Variants in MAOA observed in about 807,000 individuals in gnomAD.
MAOA encodes the protein amine oxidase [flavin-containing] A.
Under a neutral mutation model 42.0 loss-of-function variants are expected in MAOA, and 6 were observed. The observed-to-expected ratio is 0.14, with a 90% confidence interval of 0.08 to 0.28. The LOEUF (loss-of-function observed/expected upper bound fraction) is 0.28, where lower values mean the gene tolerates loss of function less well. Among genes scored for constraint, MAOA ranks in the 10% least tolerant of loss-of-function variants. The pLI, the probability that MAOA is intolerant of heterozygous loss-of-function variation, is 1.00. For missense variants in MAOA, 262 were observed against 422.3 expected (o/e 0.62, Z 3.33); for synonymous variants, 140 against 154.0 (o/e 0.91, Z 0.67).
chrX:43,728,159 T>C lies in MAOA; in HGVS notation c.504-14T>C, dbSNP rs764395850. ...CATATTGACACCTGACTTCCACTTT[T>C]GTTCTATGAACAGGACTGCTAGGCG... is the stretch of plus-strand genomic sequence containing the variant. On this transcript the variant is annotated splice_polypyrimidine_tract_variant and intron_variant, in intron 5 of 14. Transcript: ENST00000338702. The C allele has an allele frequency of 9.1e-5, 110 of 1,206,507 alleles. No individual in the cohort carries two copies. Among genetic ancestry groups the C allele is most frequent in the Non-Finnish European group, 1.2e-4 (107 of 891,883 alleles).
intron 1 of MAOA, among the ~76,000 whole-genome samples, chrX:43,678,544 T>A (rs920355033): frequency 8.9e-6 from 1 of 112,052 alleles, no homozygotes; most frequent in African/African-American, 3.2e-5. Flanking sequence ...TCAATAAATA[T>A]TTCGAAAGAT....
At chrX:43,716,225 C>T (rs1286910358) in intron 5 of MAOA, among the ~76,000 whole-genome samples, 3 of 108,909 alleles carry the variant, frequency 2.8e-5, no homozygotes, top group Non-Finnish European at 3.8e-5. Flanking sequence ...AATGAGCCAC[C>T]GAGGTTGGGG....
intron 1 of MAOA, among the ~76,000 whole-genome samples, chrX:43,658,959 G>A (rs1416411410): frequency 9.0e-6 from 1 of 111,315 alleles, no homozygotes; most frequent in African/African-American, 3.3e-5. Flanking sequence ...AGTCCCTGTG[G>A]CAGTTTTATA....
chrX:43,656,920 G>A (rs1392635881), intron 1 of MAOA, among the ~76,000 whole-genome samples: 1 of 109,413 alleles, frequency 9.1e-6, no homozygotes, highest in African/African-American at 3.3e-5. Context: ...AGAACATCAG[G>A]ATACAGATTT....
At chrX:43,681,880 AT>A (rs768785097) in intron 1 of MAOA, among the ~76,000 whole-genome samples, 4,469 of 87,507 alleles carry the variant, frequency 0.051, 185 homozygotes, top group East Asian at 0.24. Context: ...ATATATATAT[AT>A]TTTTTTTTTT....
intron 6 of MAOA, among the ~76,000 whole-genome samples, chrX:43,729,919 C>T (rs1043265820): frequency 9.0e-6 from 1 of 111,220 alleles, no homozygotes; most frequent in Non-Finnish European, 1.9e-5. Flanking sequence ...TCTGGCTGGG[C>T]GCGGTGGCTC....
chrX:43,670,315 G>A (rs2033318450), intron 1 of MAOA, among the ~76,000 whole-genome samples: 1 of 111,444 alleles, frequency 9.0e-6, no homozygotes. Context: ...TGTTTTGTTT[G>A]GCCAATTCAT....
upstream of MAOA, chrX:43,656,123 TC>T (rs1333859610): frequency 2.3e-5 from 10 of 433,258 alleles, no homozygotes; most frequent in East Asian, 3.8e-5. Flanking sequence ...AGTGCCCAGC[TC>T]CCCCCGGGTA....
intron 3 of MAOA, among the ~76,000 whole-genome samples, chrX:43,705,602 A>G (rs758919653): frequency 8.9e-6 from 1 of 112,198 alleles, no homozygotes; most frequent in South Asian, 3.7e-4. Context: ...AAAATAGATA[A>G]ATTGGTCTTC....
At chrX:43,723,593 G>A (rs777755569) in intron 5 of MAOA, among the ~76,000 whole-genome samples, 4 of 111,615 alleles carry the variant, frequency 3.6e-5, no homozygotes, top group African/African-American at 1.3e-4. Flanking sequence ...GGGCTGAGAC[G>A]ATGGGGCTTT....
rs180921401 is a variant in MAOA, at chrX:43,661,796, G to A, written c.73+5382G>A. ...TTTGCAATTAAATTCCAAGTGTCAC[G>A]TAGAAAGACCTCTTCATGTCCAAAT... On this transcript the variant is annotated intron_variant, in intron 1 of 14. Transcript: ENST00000338702. Among the ~76,000 whole-genome samples the A allele has an allele frequency of 1.3e-3, 145 of 110,963 alleles. No individual in the cohort carries two copies. In the Middle Eastern group the frequency reaches 0.018, roughly 14 times the overall value.
intron 1 of MAOA, among the ~76,000 whole-genome samples, chrX:43,682,745 A>C (rs2033454232): frequency 8.9e-6 from 1 of 111,872 alleles, no homozygotes; most frequent in Non-Finnish European, 1.9e-5. Context: ...TAGTGGAAAA[A>C]CTTGACAAAC....
rs370669122 is a variant in MAOA, at chrX:43,728,116, C to A, written c.504-57C>A. On this transcript the variant is annotated intron_variant, in intron 5 of 14. Transcript: ENST00000338702. ...ACTAAATCGTGTTGTAAAAACATGA[C>A]ATTCTCTGACTCCTGTACATATTGA... 59 of 1,106,307 alleles carry A rather than the reference C, an allele frequency of 5.3e-5. No homozygotes were observed. The East Asian group carries it at 1.6e-3, about 31-fold the overall frequency. 91.2% of individuals were successfully genotyped at this position (1,106,307 alleles called of 1,213,427 possible).
At position 43,744,553 on chromosome X, in the gene MAOA, C is replaced by T; in HGVS notation, c.*40C>T. ...GCTCTCTGCTCACTGGTTTTCAATA[C>T]CACCAAGAGGAAAATATTGACAAGT... On this transcript the variant is annotated 3_prime_UTR_variant, in exon 15 of 15. Transcript: ENST00000338702. 3 of 1,186,008 alleles carry T rather than the reference C, an allele frequency of 2.5e-6. No individual in the cohort carries two copies. The highest frequency in any genetic ancestry group is 3.4e-6 in the Non-Finnish European group (3 of 872,386).
intron 5 of MAOA, among the ~76,000 whole-genome samples, chrX:43,725,131 G>C (rs2033821446): frequency 8.9e-6 from 1 of 111,993 alleles, no homozygotes; most frequent in African/African-American, 3.3e-5. Flanking sequence ...ATGTGGTACT[G>C]AGAAGAATGT....
intron 3 of MAOA, among the ~76,000 whole-genome samples, chrX:43,697,631 T>A: frequency 8.9e-6 from 1 of 112,419 alleles, no homozygotes; most frequent in South Asian, 3.7e-4. Context: ...AACCATCCTC[T>A]CACATACTTT....
rs750009772 is a variant in MAOA at position 43,656,439 on chromosome X, C to T, written c.73+25C>T. The T allele has an allele frequency of 3.4e-6, 4 of 1,177,736 alleles. No individual in the cohort carries two copies. In the South Asian group the frequency reaches 7.1e-5, roughly 21 times the overall value. ...GGTCAGTGTGGACCGTAGCGGTGGCCTGGGGGACCCTGGCCAGTGAGGGGT... is the reference window on the plus strand; with the variant it reads ...GGTCAGTGTGGACCGTAGCGGTGGCTTGGGGGACCCTGGCCAGTGAGGGGT... On this transcript the variant is annotated intron_variant, in intron 1 of 14. Coordinates refer to ENST00000338702, the MANE Select transcript of MAOA (RefSeq NM_000240.4).
intron 3 of MAOA, among the ~76,000 whole-genome samples, chrX:43,694,690 T>A (rs2147086132): frequency 8.9e-6 from 1 of 112,237 alleles, no homozygotes; most frequent in Admixed American, 9.4e-5. Context: ...TTCCATGGAC[T>A]AGTAAGTAAT....
intron 3 of MAOA, among the ~76,000 whole-genome samples, chrX:43,696,346 A>G (rs1311439304): frequency 8.9e-6 from 1 of 112,542 alleles, no homozygotes; most frequent in Non-Finnish European, 1.9e-5. Context: ...GTGCTATTGC[A>G]TAACCTACTG....
Sources: allele counts gnomAD v4.1 joint callset (sites outside exome capture counted in the v4.1 genomes callset), GRCh38; gene constraint gnomAD v4.1.1; transcripts MANE v1.5; gene names NCBI Gene and HGNC (gene_info 2026-07-23, HGNC 2026-07-21).